NEDD4L: variants seen among roughly 807,000 people sequenced by gnomAD.
The protein encoded by NEDD4L is NEDD4 like E3 ubiquitin protein ligase.
NEDD4L carries 54 observed loss-of-function variants against 148.9 expected under a neutral mutation model. That is an observed-to-expected ratio of 0.36 (90% CI 0.29 to 0.45). The LOEUF is 0.45. Ranked by LOEUF, NEDD4L falls within the 20% of genes least tolerant of loss-of-function variation. The pLI, the probability that NEDD4L is intolerant of heterozygous loss-of-function variation, is 1.00. For synonymous variants in NEDD4L, 433 were observed against 440.7 expected (o/e 0.98, Z 0.22); for missense variants, 856 against 1,233.8 (o/e 0.69, Z 4.59).
intron 30 of NEDD4L, among the ~76,000 whole-genome samples, chr18:58,392,020 TGTG>T (rs2049895038): frequency 6.6e-6 from 1 of 152,230 alleles, no homozygotes; most frequent in Admixed American, 6.5e-5. Context: ...GTAACATGAC[TGTG>T]GTCGGAGGAG....
At chr18:58,234,074 TTTC>T (rs2045616297) in intron 2 of NEDD4L, among the ~76,000 whole-genome samples, 2 of 91,272 alleles carry the variant, frequency 2.2e-5, no homozygotes, top group African/African-American at 9.7e-5. Flanking sequence ...TCTTTCTTTC[TTTC>T]TTTCTTTCTT....
intron 2 of NEDD4L, among the ~76,000 whole-genome samples, chr18:58,175,419 G>A (rs1297514994): frequency 6.6e-6 from 1 of 152,252 alleles, no homozygotes; most frequent in African/African-American, 2.4e-5. Context: ...CTGTTTCTTT[G>A]TTAGCATTTA....
chr18:58,330,648 G>C (rs2059713479), intron 10 of NEDD4L, 90 bp from the exon 11 acceptor site: 1 of 975,900 alleles, frequency 1.0e-6, no homozygotes, highest in African/African-American at 1.6e-5. Context: ...AGTTATCACC[G>C]GGGCTATTGT....
chr18:58,345,979 G>A (rs1262112394), intron 16 of NEDD4L, among the ~76,000 whole-genome samples: 2 of 148,808 alleles, frequency 1.3e-5, no homozygotes, highest in Non-Finnish European at 3.0e-5. Context: ...GGCTGGTCTC[G>A]AACTCCTGAC....
chr18:58,356,046 G>A (rs935999270), intron 18 of NEDD4L, among the ~76,000 whole-genome samples: 1 of 151,968 alleles, frequency 6.6e-6, no homozygotes, highest in African/African-American at 2.4e-5. Flanking sequence ...GCCTTCCCCT[G>A]GGCTCAAGCG....
intron 5 of NEDD4L, among the ~76,000 whole-genome samples, chr18:58,272,285 A>T (rs1270298899): frequency 6.6e-6 from 1 of 152,184 alleles, no homozygotes; most frequent in Non-Finnish European, 1.5e-5. Flanking sequence ...TTTATTTGTA[A>T]ACCTGGGTGA....
chr18:58,151,625 A>ATGTGTGTGTGTGTGTGTGTGTGTGTGTG (rs113714456), intron 1 of NEDD4L, among the ~76,000 whole-genome samples: 33 of 141,080 alleles, frequency 2.3e-4, no homozygotes, highest in East Asian at 2.1e-3. Flanking sequence ...GTGCCTGGAT[A>ATGTGTGTGTGTGTGTGTGTGTGTGTGTG]TGTGTGTGTG....
At chr18:58,261,749 G>A (rs1353210928) in intron 5 of NEDD4L, among the ~76,000 whole-genome samples, 3 of 152,182 alleles carry the variant, frequency 2.0e-5, no homozygotes, top group Admixed American at 2.0e-4. Flanking sequence ...AAATGGTAAT[G>A]CTACTTGTGC....
intron 5 of NEDD4L, among the ~76,000 whole-genome samples, chr18:58,282,931 C>G (rs1374142530): frequency 6.6e-6 from 1 of 152,132 alleles, no homozygotes; most frequent in Admixed American, 6.5e-5. Context: ...CAATCTGTGT[C>G]AGCAGGAGAG....
At chr18:58,179,152 A>G (rs954498867) in intron 2 of NEDD4L, among the ~76,000 whole-genome samples, 8 of 152,204 alleles carry the variant, frequency 5.3e-5, no homozygotes, top group Non-Finnish European at 1.5e-5. Context: ...AAATTTTCAA[A>G]TATCTTTCTT....
intron 5 of NEDD4L, among the ~76,000 whole-genome samples, chr18:58,267,620 T>A (rs1295430514): frequency 6.6e-6 from 1 of 152,058 alleles, no homozygotes; most frequent in Non-Finnish European, 1.5e-5. Flanking sequence ...CCCTTAGTAC[T>A]TAGCCTGTCA....
chr18:58,371,673 C>T (rs1009684036), intron 23 of NEDD4L: 1 of 152,630 alleles, frequency 6.6e-6, no homozygotes, highest in African/African-American at 2.4e-5. Flanking sequence ...TGTTGCTCCT[C>T]ATTGTATGAA....
At chr18:58,097,414 G>A (rs557737431) in intron 1 of NEDD4L, among the ~76,000 whole-genome samples, 7 of 152,340 alleles carry the variant, frequency 4.6e-5, no homozygotes, top group Non-Finnish European at 7.3e-5. Flanking sequence ...CACATGTTTA[G>A]TTGAAGTGAT....
intron 26 of NEDD4L, among the ~76,000 whole-genome samples, chr18:58,386,822 A>G (rs529438680): frequency 6.6e-6 from 1 of 152,280 alleles, no homozygotes; most frequent in African/African-American, 2.4e-5. Context: ...GGGACTTAAA[A>G]TGGGAGGACA....
chr18:58,252,169 A>G, intron 5 of NEDD4L, 115 bp downstream of exon 5: 1 of 715,774 alleles, frequency 1.4e-6, no homozygotes, highest in African/African-American at 1.8e-5. Flanking sequence ...ATGTGCCCAA[A>G]AAGAAGACTG....
At chr18:58,112,548 G>T (rs768981810) in intron 1 of NEDD4L, among the ~76,000 whole-genome samples, 3 of 151,994 alleles carry the variant, frequency 2.0e-5, no homozygotes, top group Non-Finnish European at 4.4e-5. Context: ...GAGTGCAGTG[G>T]TGTGATCTTG....
intron 2 of NEDD4L, among the ~76,000 whole-genome samples, chr18:58,173,832 C>T (rs1042457720): frequency 5.3e-5 from 8 of 152,212 alleles, no homozygotes; most frequent in Non-Finnish European, 1.0e-4. Flanking sequence ...CCCAGCTGAC[C>T]TTAAAATGCC....
rs1474285759 is a variant in NEDD4L, at chr18:58,079,019, A to C, written c.48+34311A>C. ...GGGAGCTGTGTGGATAAAATGTACC[A>C]GGCACTCCCAGTGCCAGAAGGTGTT... On this transcript the variant is annotated intron_variant, in intron 1 of 30. Coordinates refer to ENST00000400345, the MANE Select transcript of NEDD4L (RefSeq NM_001144967.3). Among the ~76,000 whole-genome samples, 6 of 152,246 alleles carry C rather than the reference A, an allele frequency of 3.9e-5. No individual in the cohort carries two copies. The East Asian group carries it at 9.7e-4, about 24-fold the overall frequency.
intron 2 of NEDD4L, among the ~76,000 whole-genome samples, 168 bp from the exon 3 acceptor site, chr18:58,245,259 A>G (rs1201832801): frequency 6.6e-6 from 1 of 152,152 alleles, no homozygotes; most frequent in Non-Finnish European, 1.5e-5. Context: ...TAGGAACTTT[A>G]CTCCAAGTGT....
Sources: allele counts gnomAD v4.1 joint callset (sites outside exome capture counted in the v4.1 genomes callset), GRCh38; gene constraint gnomAD v4.1.1; transcripts MANE v1.5; gene names NCBI Gene and HGNC (gene_info 2026-07-23, HGNC 2026-07-21).